Variants in EXOC2 observed in about 807,000 individuals in gnomAD.
EXOC2 encodes the protein SEC5-like 1.
Under a neutral mutation model 131.8 loss-of-function variants are expected in EXOC2, and 70 were observed. The observed-to-expected ratio is 0.53, with a 90% CI of 0.44 to 0.65. EXOC2 has a LOEUF of 0.65. Among genes scored for constraint, EXOC2 ranks in the 30% least tolerant of loss-of-function variants. The pLI is 0.00. For missense variants in EXOC2, 923 were observed against 1,108.6 expected, an observed-to-expected ratio of 0.83 and a Z score of 2.38; for synonymous variants, 411 against 398.4, an observed-to-expected ratio of 1.03 and a Z score of -0.38.
intron 23 of EXOC2, among the ~76,000 whole-genome samples, chr6:508,747 GT>G (rs1183146246): frequency 6.6e-6 from 1 of 152,222 alleles, no homozygotes. Flanking sequence ...TGGTGTGCAG[GT>G]TTTTGTGTGG....
At chr6:525,805 T>C (rs1765704115) in intron 23 of EXOC2, among the ~76,000 whole-genome samples, 1 of 152,186 alleles carries the variant, frequency 6.6e-6, no homozygotes, top group Admixed American at 6.5e-5. Flanking sequence ...TCTTTTTCAA[T>C]AAAAATGAGG....
intron 1 of EXOC2, among the ~76,000 whole-genome samples, chr6:681,674 T>G (rs1421285582): frequency 6.6e-6 from 1 of 152,232 alleles, no homozygotes; most frequent in Non-Finnish European, 1.5e-5. Context: ...GGGATAGTAC[T>G]GAGAATATAT....
At chr6:658,797 G>A (rs951467841) in intron 1 of EXOC2, among the ~76,000 whole-genome samples, 1 of 151,236 alleles carries the variant, frequency 6.6e-6, no homozygotes, top group African/African-American at 2.4e-5. Context: ...GAGTAGCTGG[G>A]ATTACAGGCG....
chr6:594,114 G>A (rs1363471619), intron 10 of EXOC2, among the ~76,000 whole-genome samples: 2 of 152,162 alleles, frequency 1.3e-5, no homozygotes, highest in Non-Finnish European at 2.9e-5. Flanking sequence ...TCAATTAGAA[G>A]GAAGAGCTTT....
intron 4 of EXOC2, 34 bp from the exon 5 acceptor site, chr6:619,577 T>C: frequency 6.7e-7 from 1 of 1,482,546 alleles, no homozygotes; most frequent in Non-Finnish European, 9.4e-7. Context: ...TATATTTCAA[T>C]GGTTATTATG....
At chr6:599,506 C>T (rs1760009340) in intron 7 of EXOC2, among the ~76,000 whole-genome samples, 1 of 152,158 alleles carries the variant, frequency 6.6e-6, no homozygotes, top group Admixed American at 6.5e-5. Flanking sequence ...TTTCATTACA[C>T]TTCTAAACTG....
intron 6 of EXOC2, among the ~76,000 whole-genome samples, chr6:614,814 G>A (rs1423429021): frequency 6.6e-6 from 1 of 152,004 alleles, no homozygotes; most frequent in Non-Finnish European, 1.5e-5. Context: ...ACATCCGTCC[G>A]TCCTTTTTAA....
At chr6:486,898 A>G (rs1174382137) in intron 27 of EXOC2, 134 bp from the exon 28 acceptor site, 14 of 607,886 alleles carry the variant, frequency 2.3e-5, no homozygotes, top group South Asian at 1.5e-4. Context: ...AGTTCTACCT[A>G]TGGATCCTTA....
At position 656,416 on chromosome 6, in the gene EXOC2, T is replaced by C. The variant is rs150422154; in HGVS notation, c.-43-18555A>G. On this transcript the variant is annotated intron_variant, in intron 1 of 27. Transcript: ENST00000230449. Reference sequence around the variant, plus strand: ...AGGTTTGCTTCCACCAGCACGTGACTGCCCACGTTCGCCATCCTCTCCACG... The same window carrying C: ...AGGTTTGCTTCCACCAGCACGTGACCGCCCACGTTCGCCATCCTCTCCACG... 1.2e-3 allele frequency: 1,988 copies of C among 1,614,050 alleles called. 23 individuals are homozygous for C. In the African/African-American group the frequency reaches 0.024, roughly 19 times the overall value.
At chr6:566,336 A>G (rs1757962997) in intron 13 of EXOC2, among the ~76,000 whole-genome samples, 1 of 152,206 alleles carries the variant, frequency 6.6e-6, no homozygotes. Flanking sequence ...GTGTGCGAGT[A>G]TGACCAGCCA....
At chr6:527,092 C>T (rs115675212) in intron 23 of EXOC2, among the ~76,000 whole-genome samples, 1,726 of 152,290 alleles carry the variant, frequency 0.011, 29 homozygotes, top group African/African-American at 0.038. Flanking sequence ...TATAAATTCA[C>T]ATATACATGT....
Position 592,464 on chromosome 6 carries a change from C to T in EXOC2, c.1192+5G>A, listed in dbSNP as rs1244261828. On this transcript the variant is annotated splice_donor_5th_base_variant and intron_variant, in intron 11 of 27. Transcript: ENST00000230449. The stretch of plus-strand genomic sequence containing the variant: ...CACACAACACATTGGAAGAGAAATC[C>T]TTGCCTTTCAGATCTTTCACGTAGC... The T allele has an allele frequency of 2.5e-6, 4 of 1,610,302 alleles. No individual in the cohort carries two copies. The highest frequency in any genetic ancestry group is 1.1e-5 in the South Asian group (1 of 90,818).
intron 1 of EXOC2, among the ~76,000 whole-genome samples, chr6:667,885 CCA>C (rs1368653600): frequency 6.6e-6 from 1 of 151,882 alleles, no homozygotes; most frequent in Non-Finnish European, 1.5e-5. Flanking sequence ...ATCCATCCAT[CCA>C]TCCATCCATC....
At chr6:528,201 T>C (rs1765859632) in intron 23 of EXOC2, among the ~76,000 whole-genome samples, 1 of 152,112 alleles carries the variant, frequency 6.6e-6, no homozygotes, top group Non-Finnish European at 1.5e-5. Context: ...AATCATGAAA[T>C]TAATCAACTG....
intron 7 of EXOC2, 121 bp from the exon 8 acceptor site, chr6:599,346 T>C (rs1759997556): frequency 1.1e-6 from 1 of 948,912 alleles, no homozygotes; most frequent in Non-Finnish European, 1.5e-6. Context: ...AAACTCAGAC[T>C]GTTTTTCAGT....
intron 1 of EXOC2, among the ~76,000 whole-genome samples, chr6:685,135 C>A (rs1442343928): frequency 6.6e-6 from 1 of 151,844 alleles, no homozygotes; most frequent in Non-Finnish European, 1.5e-5. Flanking sequence ...AAAACACACA[C>A]ACACACACAC....
At chr6:565,098 T>C (rs1283039596) in intron 13 of EXOC2, among the ~76,000 whole-genome samples, 169 bp from the exon 14 acceptor site, 1 of 152,234 alleles carries the variant, frequency 6.6e-6, no homozygotes, top group Non-Finnish European at 1.5e-5. Context: ...TTAGAAAACC[T>C]TTCTTATCCC....
At chr6:665,527 C>T (rs192322506) in intron 1 of EXOC2, among the ~76,000 whole-genome samples, 6 of 152,268 alleles carry the variant, frequency 3.9e-5, no homozygotes, top group East Asian at 3.9e-4. Context: ...TCGTGGAAAA[C>T]CCAAATGCCC....
intron 22 of EXOC2, among the ~76,000 whole-genome samples, chr6:543,385 C>T (rs1187284755): frequency 1.3e-5 from 2 of 152,112 alleles, no homozygotes. Flanking sequence ...ACTGTGATCT[C>T]ACTTATATGT....
Sources: gnomAD v4.1 joint callset for allele counts (sites outside exome capture counted in the v4.1 genomes callset) on GRCh38, gnomAD v4.1.1 for gene constraint, MANE v1.5 for transcripts, NCBI Gene and HGNC (gene_info 2026-07-23, HGNC 2026-07-21) for gene names.